The following ONECUT1 variants were observed in gnomAD, a reference collection of about 807,000 sequenced individuals.
ONECUT1 encodes one cut homeobox 1.
ONECUT1 carries 12 observed loss-of-function variants against 25.6 expected under a neutral mutation model. The observed-to-expected ratio is 0.47, with a 90% CI of 0.30 to 0.76. ONECUT1 has a LOEUF of 0.76. ONECUT1 is among the 30% of genes least tolerant of loss of function. The pLI is 0.07. For synonymous variants in ONECUT1, 285 were observed against 270.2 expected, an observed-to-expected ratio of 1.05 and a Z score of -0.54; for missense variants, 620 against 651.2, an observed-to-expected ratio of 0.95 and a Z score of 0.52.
chr15:52,771,056 T>C (rs2083764474), intron 1 of ONECUT1, among the ~76,000 whole-genome samples: 1 of 152,158 alleles, frequency 6.6e-6, no homozygotes, highest in Non-Finnish European at 1.5e-5. Flanking sequence ...TTTGATCTAG[T>C]AATTAACACT....
chr15:52,772,779 C>G (rs917089323), intron 1 of ONECUT1, among the ~76,000 whole-genome samples: 2 of 152,096 alleles, frequency 1.3e-5, no homozygotes, highest in Admixed American at 1.3e-4. Context: ...TTCTGCAGCT[C>G]CACACCCATG....
rs1566995751 is a variant in ONECUT1 at position 52,789,053 on chromosome 15, C to T, written c.832G>A (p.Ala278Thr). Residue 278 changes from alanine (A) to threonine (T), a missense_variant, in exon 1 of 2, where the codon GCG (alanine) becomes ACG (threonine). Around this residue, in one of 4 missense-constraint regions of ONECUT1, gnomAD observed 146 missense variants for 201.8 expected, o/e 0.72. Coordinates refer to ENST00000305901, the MANE Select transcript of ONECUT1 (RefSeq NM_004498.4). This position sits in a 1 kb window ranked among gnomAD's most constrained non-coding sequence, Gnocchi z 4.1. ...AREPNPSVTGAQVSNGSNSGQ... is the reference protein window; with the variant it reads ...AREPNPSVTGTQVSNGSNSGQ... ...GAATTACTTCCATTGCTGACCTGCG[C>T]GCCGGTCACCGAAGGGTTGGGCTCC... 1.2e-6 allele frequency: 2 copies of T among 1,603,248 alleles called. No homozygotes were observed. The highest frequency in any genetic ancestry group is 1.7e-6 in the Non-Finnish European group (2 of 1,179,974).
At chr15:52,758,388 G>A (rs1566987965) in intron 1 of ONECUT1, among the ~76,000 whole-genome samples, 1 of 152,138 alleles carries the variant, frequency 6.6e-6, no homozygotes, top group Non-Finnish European at 1.5e-5. Flanking sequence ...GAAAGGAATT[G>A]CATTTGTTTC....
intron 1 of ONECUT1, among the ~76,000 whole-genome samples, chr15:52,762,422 C>T (rs2083711267): frequency 6.6e-6 from 1 of 152,220 alleles, no homozygotes; most frequent in Admixed American, 6.5e-5. Flanking sequence ...TTGTTTGACC[C>T]CAGAACCCTT....
chr15:52,787,968 C>G (rs964914135), intron 1 of ONECUT1: 6 of 152,230 alleles, frequency 3.9e-5, no homozygotes, highest in Non-Finnish European at 8.8e-5. Flanking sequence ...TTTACACACT[C>G]TCATCCCCAA....
rs1768730409 is a variant in ONECUT1, at chr15:52,757,055, C to T, written c.*500G>A. On this transcript the variant is annotated 3_prime_UTR_variant, in exon 2 of 2. Transcript: ENST00000305901. ...TAGGCTAGACGAGCAAAATCACACT[C>T]CTAATCCAATGAACTCAGACAACCC... 6.5e-6 allele frequency: 1 copy of T among 154,680 alleles called. No homozygotes were observed. The highest frequency in any genetic ancestry group is 6.4e-5 in the Admixed American group (1 of 15,686). 9.6% of individuals were successfully genotyped at this position (154,680 alleles called of 1,614,324 possible).
rs1428450813 is a variant in ONECUT1, at chr15:52,784,808, C to G, written c.1105+3972G>C. ...ACCGGGATGCACTGCCACTTTTCGG[C>G]CTGGCGGGCTCTGGGACTCCTTGGT... On this transcript the variant is annotated intron_variant, in intron 1 of 1. Coordinates refer to ENST00000305901, the MANE Select transcript of ONECUT1 (RefSeq NM_004498.4). The surrounding 1 kb of genome is among the most constrained non-coding windows in gnomAD (Gnocchi z 5.0). 1.3e-5 allele frequency among the ~76,000 whole-genome samples: 2 copies of G among 152,220 alleles called. No individual in the cohort carries two copies. The highest frequency in any genetic ancestry group is 2.1e-4 in the South Asian group (1 of 4,828).
chr15:52,763,656 T>C (rs1443588360), intron 1 of ONECUT1, among the ~76,000 whole-genome samples: 1 of 152,234 alleles, frequency 6.6e-6, no homozygotes, highest in African/African-American at 2.4e-5. Context: ...CTTTCTAGCT[T>C]ACAGGCTCTC....
At chr15:52,758,771 C>T (rs899988832) in intron 1 of ONECUT1, among the ~76,000 whole-genome samples, 9 of 152,172 alleles carry the variant, frequency 5.9e-5, no homozygotes, top group East Asian at 1.9e-4. Flanking sequence ...CAGGGTTTGG[C>T]GCCAGATCAG....
At chr15:52,777,751 A>G (rs2083813503) in intron 1 of ONECUT1, among the ~76,000 whole-genome samples, 1 of 147,914 alleles carries the variant, frequency 6.8e-6, no homozygotes, top group African/African-American at 2.5e-5. Context: ...AAAACATGTA[A>G]AGTTATTTGT....
At chr15:52,763,032 A>C (rs1200420770) in intron 1 of ONECUT1, among the ~76,000 whole-genome samples, 1 of 152,200 alleles carries the variant, frequency 6.6e-6, no homozygotes, top group Non-Finnish European at 1.5e-5. Context: ...AGTGCTGCTT[A>C]GGGAAGAGCA....
chr15:52,777,719 CACACACACACACACACACAA>C (rs2083810137), intron 1 of ONECUT1, among the ~76,000 whole-genome samples: 1 of 108,820 alleles, frequency 9.2e-6, no homozygotes, highest in Non-Finnish European at 1.6e-5. Context: ...CACACACACA[CACACACACACACACACACAA>C]AAAAACATGT....
Position 52,757,559 on chromosome 15 carries a change from G to A in ONECUT1, c.1394C>T (p.Ala465Val), listed in dbSNP as rs2083680477. Residue 465 changes from alanine to valine, a missense_variant, in exon 2 of 2, where the codon GCA becomes GTA. Ala to Val is a moderately conservative substitution (Grantham distance 64). Around this residue, in one of 4 missense-constraint regions of ONECUT1, gnomAD observed 30 missense variants for 25.1 expected, o/e 1.20. Transcript: ENST00000305901. ...SSSSSSTCTK[A>V] The stretch of plus-strand genomic sequence containing the variant: ...TTTTAGTTTGTGGTTCTTCCTTCAT[G>A]CTTTGGTACAAGTGCTTGATGAAGA... 6.2e-7 allele frequency: 1 copy of A among 1,606,762 alleles called. No individual in the cohort carries two copies. Among genetic ancestry groups the A allele is most frequent in the Non-Finnish European group, 8.5e-7 (1 of 1,176,058 alleles).
Position 52,788,984 on chromosome 15 carries a change from T to C in ONECUT1, c.901A>G (p.Ile301Val), listed in dbSNP as rs1215451913. ...EINTKEVAQRITTELKRYSIP... is the reference protein window; with the variant it reads ...EINTKEVAQRVTTELKRYSIP... The stretch of plus-strand genomic sequence containing the variant: ...CTGTAGCGCTTGAGCTCGGTGGTGA[T>C]ACGCTGCGCCACCTCTTTGGTATTG... Residue 301 changes from isoleucine to valine, a missense_variant, in exon 1 of 2, where the codon ATC (isoleucine) becomes GTC (valine). This residue lies in a region of ONECUT1 where 146 missense variants were observed against 201.8 expected (regional missense o/e 0.72). Coordinates refer to ENST00000305901, the MANE Select transcript of ONECUT1 (RefSeq NM_004498.4). This position sits in a 1 kb window ranked among gnomAD's most constrained non-coding sequence, Gnocchi z 4.3. 1 of 1,612,250 alleles carries C rather than the reference T, an allele frequency of 6.2e-7. No homozygotes were observed. The highest frequency in any genetic ancestry group is 1.7e-5 in the Admixed American group (1 of 60,030).
chr15:52,779,295 G>A (rs559834589), intron 1 of ONECUT1, among the ~76,000 whole-genome samples: 54 of 151,596 alleles, frequency 3.6e-4, no homozygotes, highest in Non-Finnish European at 5.0e-4. Flanking sequence ...TCACCCTGTT[G>A]GCCAGGATGG....
In ONECUT1 at chr15:52,789,886, G is replaced by A; in HGVS notation, c.-2C>T. The A allele has an allele frequency of 1.3e-6, 2 of 1,531,228 alleles. No homozygotes were observed. Among genetic ancestry groups the A allele is most frequent in the South Asian group, 1.2e-5 (1 of 83,572 alleles). 94.9% of individuals were successfully genotyped at this position (1,531,228 alleles called of 1,614,324 possible). ...TTCCATGGTCAGCTGCGCGTTCATC[G>A]TGATCCGGGCGAGCAGGCGGCGGAC... On this transcript the variant is annotated 5_prime_UTR_variant, in exon 1 of 2. In the 5' UTR this introduces an upstream ATG that the reference lacks. Transcript: ENST00000305901. The surrounding 1 kb of genome is among the most constrained non-coding windows in gnomAD (Gnocchi z 4.1).
In ONECUT1 at chr15:52,756,307, A is replaced by G. The variant is rs1284829004; in HGVS notation, c.*1248T>C. ...TAATAATGTTGTTTTTTTAAACTTT[A>G]TTTGTATTTGTAAAGTATTTAAAAG... On this transcript the variant is annotated 3_prime_UTR_variant, in exon 2 of 2. Transcript: ENST00000305901. 2.6e-5 allele frequency among the ~76,000 whole-genome samples: 4 copies of G among 152,172 alleles called. No individual in the cohort carries two copies. Among genetic ancestry groups the G allele is most frequent in the Admixed American group, 2.6e-4 (4 of 15,266 alleles).
rs746795422 is a variant in ONECUT1, at chr15:52,789,381, G to A, written c.504C>T (p.Tyr168=). The A allele has an allele frequency of 3.7e-6, 6 of 1,612,244 alleles. No individual in the cohort carries two copies. Among genetic ancestry groups the A allele is most frequent in the Admixed American group, 3.3e-5 (2 of 59,872 alleles). Residue 168 remains tyrosine, a synonymous_variant, in exon 1 of 2, where the codon TAC becomes TAT. Coordinates refer to ENST00000305901, the MANE Select transcript of ONECUT1 (RefSeq NM_004498.4). The surrounding 1 kb of genome is among the most constrained non-coding windows in gnomAD (Gnocchi z 4.1). ...LASMNNLYTP[Y]HKDVAGMGQS... ...GGCCCATGCCGGCCACGTCCTTGTG[G>A]TAGGGGGTATAGAGGTTATTCATGG...
At chr15:52,771,436 AGT>A (rs60500029) in intron 1 of ONECUT1, among the ~76,000 whole-genome samples, 26,890 of 144,704 alleles carry the variant, frequency 0.19, 2,523 homozygotes, top group African/African-American at 0.26. Context: ...ATAAAAAGCA[AGT>A]GTGTGTGTGT....
Sources: allele counts gnomAD v4.1 joint callset (sites outside exome capture counted in the v4.1 genomes callset), GRCh38; gene constraint gnomAD v4.1.1; regional missense constraint gnomAD v4.1.1; non-coding constraint Gnocchi (gnomAD v3.1); transcripts MANE v1.5; gene names NCBI Gene and HGNC (gene_info 2026-07-23, HGNC 2026-07-21).